The following ZNF385C variants were observed in gnomAD, a reference collection of about 807,000 sequenced individuals.
The protein encoded by ZNF385C is CTD-2132N18.2.
Under a neutral mutation model 35.4 loss-of-function variants are expected in ZNF385C, and 28 were observed. The ratio of observed to expected loss-of-function variants is 0.79; its 90% CI spans 0.59 to 1.08. ZNF385C has a LOEUF of 1.08. ZNF385C is among the 50% of genes least tolerant of loss of function. ZNF385C has a pLI of 0.00. For missense variants in ZNF385C, 605 were observed against 595.6 expected, an observed-to-expected ratio of 1.02 and a Z score of -0.16; for synonymous variants, 248 against 248.2, an observed-to-expected ratio of 1.00 and a Z score of 0.01.
chr17:42,079,377 T>C (rs2143923504), intron 1 of ZNF385C, among the ~76,000 whole-genome samples: 1 of 115,962 alleles, frequency 8.6e-6, no homozygotes, highest in East Asian at 2.2e-4. Context: ...AGTGAGACTC[T>C]GTCTCAAAAA....
At chr17:42,079,067 G>A (rs189185844) in intron 1 of ZNF385C, among the ~76,000 whole-genome samples, 23 of 151,454 alleles carry the variant, frequency 1.5e-4, no homozygotes, top group Non-Finnish European at 2.5e-4. Context: ...ATACTAGCCC[G>A]GCACGGTGGC....
chr17:42,037,921 T>A, intron 2 of ZNF385C, 36 bp from the exon 3 acceptor site: 1 of 1,545,302 alleles, frequency 6.5e-7, no homozygotes, highest in African/African-American at 1.4e-5. Flanking sequence ...TGAAATGGGC[T>A]CTGTCCTACC....
rs1598191619 is a variant in ZNF385C at position 42,050,778 on chromosome 17, A to C, written c.250+12029T>G. ...GCGCGCTCAGCCCGGCCCCGGCCCC[A>C]CCCCCCAGCCCCTGCCGCCCCACGC... On this transcript the variant is annotated intron_variant, in intron 2 of 8. Coordinates refer to ENST00000692273, the MANE Select transcript of ZNF385C (RefSeq NM_001392013.1). This position sits in a 1 kb window ranked among gnomAD's most constrained non-coding sequence, Gnocchi z 5.6. Among the ~76,000 whole-genome samples, 1 of 149,228 alleles carries C rather than the reference A, an allele frequency of 6.7e-6. No individual in the cohort carries two copies. The highest frequency in any genetic ancestry group is 2.5e-5 in the African/African-American group (1 of 40,814).
rs56895085 is a variant in ZNF385C, at chr17:42,096,113, G to A, written c.-3+2297C>T. Among the ~76,000 whole-genome samples, 1,347 of 152,158 alleles carry A rather than the reference G, an allele frequency of 8.9e-3. 21 individuals are homozygous for A. Among genetic ancestry groups the A allele is most frequent in the African/African-American group, 0.03 (1,264 of 41,478 alleles). On this transcript the variant is annotated intron_variant, in intron 1 of 8. Transcript: ENST00000692273. ...CCTGGCCACCCCCCTTCCTGCTGCC[G>A]GGTCCTGTCTGCACCACAAGGGACT... is the stretch of plus-strand genomic sequence containing the variant.
rs2052648184 is a variant in ZNF385C, at chr17:42,028,418, C to T, written c.968-172G>A. ...CCCTCCCAGCTTCTGTCCTTTCATG[C>T]CAGCCCCTCCTATGAAAGGCCTTTC... On this transcript the variant is annotated intron_variant, in intron 6 of 8. Transcript: ENST00000692273. The T allele has an allele frequency of 1.9e-5, 12 of 638,430 alleles. No homozygotes were observed. In the Admixed American group the frequency reaches 2.7e-4, roughly 14 times the overall value. The allele number at this position is 638,430 out of a possible 1,614,324, so 39.5% of individuals were successfully genotyped here.
intron 8 of ZNF385C, 138 bp downstream of exon 8, chr17:42,027,480 C>G: frequency 1.3e-6 from 1 of 772,810 alleles, no homozygotes; most frequent in Admixed American, 3.1e-5. Flanking sequence ...GTTCCCAGGC[C>G]TAGCTCTGTC....
At position 42,040,030 on chromosome 17, in the gene ZNF385C, A is replaced by G. The variant is rs1319050668; in HGVS notation, c.251-2145T>C. ...CGGGCCGAGCCGCCCAAGGCCGAAT[A>G]CTACGCGCTTAAACAGCGCGAAGTC... On this transcript the variant is annotated intron_variant, in intron 2 of 8. Transcript: ENST00000692273. 3 of 1,230,918 alleles carry G rather than the reference A, an allele frequency of 2.4e-6. No individual in the cohort carries two copies. The African/African-American group carries it at 4.7e-5, about 19-fold the overall frequency. 76.2% of individuals were successfully genotyped at this position (1,230,918 alleles called of 1,614,324 possible).
chr17:42,029,873 A>C (rs2052688317), intron 5 of ZNF385C, among the ~76,000 whole-genome samples: 1 of 150,742 alleles, frequency 6.6e-6, no homozygotes, highest in Non-Finnish European at 1.5e-5. Context: ...ATCTGTACTA[A>C]AAATACAAAA....
intron 3 of ZNF385C, among the ~76,000 whole-genome samples, chr17:42,035,929 G>A (rs556128083): frequency 2.0e-5 from 3 of 152,274 alleles, no homozygotes; most frequent in Non-Finnish European, 4.4e-5. Context: ...GGAGCAGCAA[G>A]TGGAGGCCTA....
At chr17:42,040,788 G>A in intron 2 of ZNF385C, 1 of 1,232,340 alleles carries the variant, frequency 8.1e-7, no homozygotes, top group Non-Finnish European at 1.0e-6. Context: ...CATCCAATAT[G>A]CTCTCATATT....
chr17:42,064,095 C>T (rs899904752), intron 1 of ZNF385C, among the ~76,000 whole-genome samples: 5 of 151,350 alleles, frequency 3.3e-5, no homozygotes, highest in Non-Finnish European at 5.9e-5. Flanking sequence ...CACACACACA[C>T]ACACACACAC....
At chr17:42,072,178 A>G (rs2053634124) in intron 1 of ZNF385C, among the ~76,000 whole-genome samples, 1 of 152,198 alleles carries the variant, frequency 6.6e-6, no homozygotes, top group South Asian at 2.1e-4. Flanking sequence ...GGGGTGGATC[A>G]ACTTTTGGAT....
At position 42,057,243 on chromosome 17, in the gene ZNF385C, G is replaced by A. The variant is rs75241038; in HGVS notation, c.250+5564C>T. Reference sequence around the variant, plus strand: ...GAGCCCCACTCTCCCAGTTTATAAAGTGAGACTGAATGTCATCATCCGTGC... The same window carrying A: ...GAGCCCCACTCTCCCAGTTTATAAAATGAGACTGAATGTCATCATCCGTGC... On this transcript the variant is annotated intron_variant, in intron 2 of 8. Transcript: ENST00000692273. Among the ~76,000 whole-genome samples, 150 of 152,260 alleles carry A rather than the reference G, an allele frequency of 9.9e-4. 2 individuals are homozygous for A. The highest frequency in any genetic ancestry group is 1.8e-3 in the Non-Finnish European group (120 of 68,028).
chr17:42,068,421 GC>G (rs1360619564), intron 1 of ZNF385C, among the ~76,000 whole-genome samples: 2 of 151,322 alleles, frequency 1.3e-5, no homozygotes, highest in African/African-American at 4.9e-5. Context: ...CTTTCTCTTC[GC>G]CCCCCAGCTG....
chr17:42,027,789 C>T (rs1390043838), intron 7 of ZNF385C, 61 bp from the exon 8 acceptor site: 12 of 1,521,592 alleles, frequency 7.9e-6, no homozygotes, highest in South Asian at 3.4e-5. Context: ...CCAAGACCAT[C>T]ATCCTCGACT....
At chr17:42,051,572 G>A (rs901947554) in intron 2 of ZNF385C, among the ~76,000 whole-genome samples, 2 of 152,078 alleles carry the variant, frequency 1.3e-5, no homozygotes. Context: ...GACAGAAATG[G>A]GTCTGAAGAC....
intron 2 of ZNF385C, chr17:42,062,220 T>C (rs2053472985): frequency 6.5e-6 from 1 of 152,868 alleles, no homozygotes; most frequent in South Asian, 2.1e-4. Context: ...ATCACCCTCA[T>C]GGAGGCATTC....
At chr17:42,031,588 G>A (rs2052729405) in intron 5 of ZNF385C, 31 bp downstream of exon 5, 2 of 1,524,776 alleles carry the variant, frequency 1.3e-6, no homozygotes, top group Non-Finnish European at 1.8e-6. Flanking sequence ...TTGGAGTGGA[G>A]ACGTGGGAAA....
intron 1 of ZNF385C, among the ~76,000 whole-genome samples, chr17:42,078,149 G>C (rs1472234611): frequency 6.6e-6 from 1 of 152,198 alleles, no homozygotes; most frequent in East Asian, 1.9e-4. Flanking sequence ...CTTCTGGGCA[G>C]AGATGATGTG....
Sources: gnomAD v4.1 joint callset for allele counts (sites outside exome capture counted in the v4.1 genomes callset) on GRCh38, gnomAD v4.1.1 for gene constraint, Gnocchi (gnomAD v3.1) non-coding constraint, MANE v1.5 for transcripts, NCBI Gene and HGNC (gene_info 2026-07-23, HGNC 2026-07-21) for gene names.